Variants in ATP10B observed in about 807,000 individuals in gnomAD.
ATP10B encodes the protein phospholipid-transporting ATPase VB.
ATP10B carries 122 observed loss-of-function variants against 141.2 expected under a neutral mutation model. The ratio of observed to expected loss-of-function variants is 0.86; its 90% CI spans 0.75 to 1.00. The LOEUF (loss-of-function observed/expected upper bound fraction) is 1.00. ATP10B is among the 50% of genes least tolerant of loss of function. The pLI, the probability that ATP10B is intolerant of heterozygous loss-of-function variation, is 0.00. For synonymous variants in ATP10B, 685 were observed against 692.0 expected (o/e 0.99, Z 0.16); for missense variants, 1,876 against 1,825.3 (o/e 1.03, Z -0.51).
intron 10 of ATP10B, among the ~76,000 whole-genome samples, chr5:160,636,520 T>C (rs3828608): frequency 0.89 from 135,586 of 152,254 alleles, 60,711 homozygotes; most frequent in African/African-American, 0.97. Flanking sequence ...ATTTCAATCC[T>C]TTGATAGGCA....
chr5:160,716,918 G>A lies in ATP10B; in HGVS notation c.-214C>T. On this transcript the variant is annotated 5_prime_UTR_variant, in exon 3 of 26. Coordinates refer to ENST00000327245, the MANE Select transcript of ATP10B (RefSeq NM_025153.3). ...AACGCAAAAGATATACCTGTTAGCG[G>A]AGTCCCTTTAAGGAGGTTAGACCAG... 1 of 985,376 alleles carries A rather than the reference G, an allele frequency of 1.0e-6. No homozygotes were observed. Among genetic ancestry groups the A allele is most frequent in the Non-Finnish European group, 1.2e-6 (1 of 829,918 alleles). 61.0% of individuals were successfully genotyped at this position (985,376 alleles called of 1,614,324 possible). A position where few individuals can be genotyped will look rare whatever the true frequency, so the allele number is the denominator to read the frequency against.
chr5:160,824,730 A>G (rs1188247916), intron 1 of ATP10B, among the ~76,000 whole-genome samples: 1 of 150,804 alleles, frequency 6.6e-6, no homozygotes, highest in Non-Finnish European at 1.5e-5. Context: ...GAGTAAAAAT[A>G]TATATTGTAA....
chr5:160,799,042 C>G (rs368900557), intron 1 of ATP10B, among the ~76,000 whole-genome samples: 1 of 152,008 alleles, frequency 6.6e-6, no homozygotes, highest in African/African-American at 2.4e-5. Flanking sequence ...TAAGCCACCA[C>G]GCCCAGCCAT....
intron 7 of ATP10B, among the ~76,000 whole-genome samples, chr5:160,665,356 C>T (rs1409419801): frequency 6.6e-6 from 1 of 152,164 alleles, no homozygotes; most frequent in South Asian, 2.1e-4. Flanking sequence ...TTCTTTGTTA[C>T]CCTTCACCTG....
chr5:160,598,746 C>T (rs1386497254), intron 22 of ATP10B, 24 bp downstream of exon 22: 12 of 1,612,530 alleles, frequency 7.4e-6, no homozygotes, highest in Non-Finnish European at 8.5e-6. Context: ...AAGTCACCTC[C>T]CTTTGGCTGC....
chr5:160,852,512 TAAGA>T (rs890781585), upstream of ATP10B, among the ~76,000 whole-genome samples: 15 of 152,132 alleles, frequency 9.9e-5, no homozygotes, highest in African/African-American at 1.7e-4. Flanking sequence ...CAAGGGCACT[TAAGA>T]AAGAAAAGAC....
rs10039758 is a variant in ATP10B at position 160,844,551 on chromosome 5, T to G, written c.-576+7390A>C. Among the ~76,000 whole-genome samples the G allele has an allele frequency of 4.5e-3, 620 of 138,268 alleles. 6 individuals are homozygous for G. Among genetic ancestry groups the G allele is most frequent in the African/African-American group, 0.016 (569 of 36,590 alleles). The allele number at this position is 138,268 out of a possible 152,430, so 90.7% of individuals were successfully genotyped here. ...TCCCAATAACTTAATAAATACTTTG[T>G]TTTTTTTTTTTTGAGAAACAGTGTT... On this transcript the variant is annotated intron_variant, in intron 1 of 25. Coordinates refer to ENST00000327245, the MANE Select transcript of ATP10B (RefSeq NM_025153.3).
chr5:160,903,427 C>G, the ATP10B span, among the ~76,000 whole-genome samples: 1 of 152,138 alleles, frequency 6.6e-6, no homozygotes, highest in Non-Finnish European at 1.5e-5. Flanking sequence ...CTCACAGGTC[C>G]AAACACATTT....
intron 1 of ATP10B, among the ~76,000 whole-genome samples, chr5:160,786,976 CACAA>C (rs1331255800): frequency 1.3e-5 from 2 of 152,096 alleles, no homozygotes; most frequent in African/African-American, 2.4e-5. Context: ...TGTGACTAAT[CACAA>C]ACAAACTCTC....
At chr5:160,716,297 A>G (rs964806571) in intron 3 of ATP10B, among the ~76,000 whole-genome samples, 1 of 152,228 alleles carries the variant, frequency 6.6e-6, no homozygotes, top group East Asian at 1.9e-4. Context: ...AGGGTTAACT[A>G]TTATTTTGCT....
intron 2 of ATP10B, among the ~76,000 whole-genome samples, chr5:160,748,963 T>C (rs1168937439): frequency 1.3e-5 from 2 of 152,140 alleles, no homozygotes; most frequent in Non-Finnish European, 2.9e-5. Context: ...CATAGTAATG[T>C]TTGGGAGGAA....
intron 2 of ATP10B, among the ~76,000 whole-genome samples, chr5:160,784,703 T>C (rs1771005267): frequency 6.6e-6 from 1 of 152,050 alleles, no homozygotes; most frequent in African/African-American, 2.4e-5. Context: ...AGAGGGGAGG[T>C]TAGCCAAGGC....
chr5:160,898,119 G>T, the ATP10B span, among the ~76,000 whole-genome samples: 6 of 151,806 alleles, frequency 4.0e-5, no homozygotes, highest in African/African-American at 9.7e-5. Flanking sequence ...GAAACCAAAA[G>T]CAATGGCAAC....
intron 21 of ATP10B, 114 bp downstream of exon 21, chr5:160,602,463 C>T (rs1297249775): frequency 2.0e-5 from 28 of 1,405,892 alleles, no homozygotes; most frequent in Non-Finnish European, 2.4e-5. Context: ...TAACACTATG[C>T]CAGCCTGACT....
intron 1 of ATP10B, among the ~76,000 whole-genome samples, chr5:160,833,327 C>T (rs1156971870): frequency 6.6e-6 from 1 of 152,082 alleles, no homozygotes; most frequent in African/African-American, 2.4e-5. Context: ...GAAGGTAAAG[C>T]CCTAATGCTG....
At chr5:160,916,406 G>A in the ATP10B span, among the ~76,000 whole-genome samples, 1 of 149,934 alleles carries the variant, frequency 6.7e-6, no homozygotes, top group African/African-American at 2.5e-5. Flanking sequence ...TGTTTTTTTT[G>A]TAGATAGCTT....
intron 1 of ATP10B, among the ~76,000 whole-genome samples, chr5:160,849,293 T>C (rs1435287773): frequency 1.3e-5 from 2 of 152,110 alleles, no homozygotes; most frequent in Admixed American, 1.3e-4. Flanking sequence ...TTCAACTTAA[T>C]GAGTTCAGAT....
the ATP10B span, among the ~76,000 whole-genome samples, chr5:160,868,931 C>T: frequency 3.3e-5 from 5 of 152,186 alleles, no homozygotes; most frequent in East Asian, 9.7e-4. Flanking sequence ...CCAAGAAATT[C>T]ATATAAGGCT....
chr5:160,565,321 T>A lies in ATP10B; in HGVS notation c.*132A>T. 1 of 948,504 alleles carries A rather than the reference T, an allele frequency of 1.1e-6. No individual in the cohort carries two copies. The allele number at this position is 948,504 out of a possible 1,614,324, so 58.8% of individuals were successfully genotyped here. On this transcript the variant is annotated 3_prime_UTR_variant, in exon 26 of 26. Coordinates refer to ENST00000327245, the MANE Select transcript of ATP10B (RefSeq NM_025153.3). The stretch of plus-strand genomic sequence containing the variant: ...CCCCTTGGGGCCAGCACTTCCTCCA[T>A]GGAAGTCAAGGTTGTTGAAGAAAAG...
Sources: gnomAD v4.1 joint callset for allele counts (sites outside exome capture counted in the v4.1 genomes callset) on GRCh38, gnomAD v4.1.1 for gene constraint, MANE v1.5 for transcripts, NCBI Gene and HGNC (gene_info 2026-07-23, HGNC 2026-07-21) for gene names.